BCL7B: variants seen among roughly 807,000 people sequenced by gnomAD.
BCL7B encodes B-cell CLL/lymphoma 7 protein family member B.
In BCL7B, 11 loss-of-function variants were observed where a neutral mutation model predicts 26.5. The observed-to-expected ratio is 0.42, with a 90% CI of 0.26 to 0.69. BCL7B has a LOEUF of 0.69. Ranked by LOEUF, BCL7B falls within the 30% of genes least tolerant of loss-of-function variation. The pLI is 0.28. For missense variants in BCL7B, 215 were observed against 264.4 expected, an observed-to-expected ratio of 0.81 and a Z score of 1.30; for synonymous variants, 111 against 107.9, an observed-to-expected ratio of 1.03 and a Z score of -0.18.
Position 73,557,665 on chromosome 7 carries a change from C to T in BCL7B, c.-87G>A. 1.3e-6 allele frequency: 1 copy of T among 788,708 alleles called. No individual in the cohort carries two copies. The highest frequency in any genetic ancestry group is 1.6e-6 in the Non-Finnish European group (1 of 623,758). 48.9% of individuals were successfully genotyped at this position (788,708 alleles called of 1,614,324 possible). ...TCACGCGCCGCCGCCCGCCCGCCGC[C>T]GCCGCAGCGTCACAGCGGCCGTCGC... On this transcript the variant is annotated 5_prime_UTR_variant, in exon 1 of 6. Transcript: ENST00000223368.
chr7:73,544,464 A>G (rs1031432398), intron 2 of BCL7B, among the ~76,000 whole-genome samples: 2 of 151,766 alleles, frequency 1.3e-5, no homozygotes, highest in Admixed American at 6.6e-5. Context: ...ATAAATAAAT[A>G]AAAATACAAA....
chr7:73,552,139 G>T (rs782785627), intron 2 of BCL7B, 28 bp downstream of exon 2: 6 of 1,539,454 alleles, frequency 3.9e-6, no homozygotes, highest in South Asian at 3.5e-5. Flanking sequence ...AAAGAAAATG[G>T]TATCTTTTGA....
rs56111929 is a variant in BCL7B at position 73,540,829 on chromosome 7, C to CAAAAAAAAAAAAA, written c.266-790_266-778dup. On this transcript the variant is annotated intron_variant, in intron 3 of 5. Coordinates refer to ENST00000223368, the MANE Select transcript of BCL7B (RefSeq NM_001707.4). ...TGAGCAACAGAGCGAGACTCTGTCT[C>CAAAAAAAAAAAAA]AAAAAAAAAAAAAAAAAAAAAAAAA... Among the ~76,000 whole-genome samples, 3 of 50,942 alleles carry CAAAAAAAAAAAAA rather than the reference C, an allele frequency of 5.9e-5. 1 individual carries two copies. Among genetic ancestry groups the CAAAAAAAAAAAAA allele is most frequent in the African/African-American group, 2.4e-4 (3 of 12,396 alleles). The allele number at this position is 50,942 out of a possible 152,430, so 33.4% of individuals were successfully genotyped here. A position where few individuals can be genotyped will look rare whatever the true frequency, so the allele number is the denominator to read the frequency against.
At position 73,537,976 on chromosome 7, in the gene BCL7B, A is replaced by T. The variant is rs568081781; in HGVS notation, c.474T>A (p.Pro158=). Reference sequence around the variant, plus strand: ...CTGGTTCTTCCTTGGTGAGGGTAGGAGGTTCATCAGCAACTTCCGAGGAGG... The same window carrying T: ...CTGGTTCTTCCTTGGTGAGGGTAGGTGGTTCATCAGCAACTTCCGAGGAGG... ...SLPSSEVADE[P]PTLTKEEPVP... The change falls in exon 5 of 6, where the codon CCT becomes CCA. Residue 158 remains proline (P), a synonymous_variant. Coordinates refer to ENST00000223368, the MANE Select transcript of BCL7B (RefSeq NM_001707.4). 43 of 1,606,228 alleles carry T rather than the reference A, an allele frequency of 2.7e-5. No individual in the cohort carries two copies. Among genetic ancestry groups the T allele is most frequent in the Admixed American group, 3.4e-5 (2 of 58,794 alleles).
chr7:73,545,453 T>C (rs574797052), intron 2 of BCL7B, among the ~76,000 whole-genome samples: 2 of 152,234 alleles, frequency 1.3e-5, no homozygotes, highest in South Asian at 4.1e-4. Context: ...GGCTCCAGGA[T>C]GGTCTCAATC....
In BCL7B at chr7:73,545,729, G is replaced by GT. The variant is rs575750447; in HGVS notation, c.169-2086dup. ...ATGGCTGCTCTCAGATAAAGGCAGAGTCCATACAGTTGGTGCTAGGAGGTT... is the reference window on the plus strand; with the variant it reads ...ATGGCTGCTCTCAGATAAAGGCAGAGTTCCATACAGTTGGTGCTAGGAGGTT... On this transcript the variant is annotated intron_variant, in intron 2 of 5. Coordinates refer to ENST00000223368, the MANE Select transcript of BCL7B (RefSeq NM_001707.4). Among the ~76,000 whole-genome samples, 42 of 152,314 alleles carry GT rather than the reference G, an allele frequency of 2.8e-4. No individual in the cohort carries two copies. In the East Asian group the frequency reaches 6.0e-3, roughly 22 times the overall value.
chr7:73,538,096 G>A, intron 4 of BCL7B, 83 bp from the exon 5 acceptor site: 1 of 828,380 alleles, frequency 1.2e-6, no homozygotes, highest in East Asian at 2.8e-5. Context: ...CTGTGTGGAG[G>A]TGGCTTGGTG....
At position 73,557,478 on chromosome 7, in the gene BCL7B, G is replaced by C; in HGVS notation, c.92+9C>G. 7.1e-7 allele frequency: 1 copy of C among 1,407,694 alleles called. No individual in the cohort carries two copies. Among genetic ancestry groups the C allele is most frequent in the African/African-American group, 1.5e-5 (1 of 66,750 alleles). The allele number at this position is 1,407,694 out of a possible 1,614,324, so 87.2% of individuals were successfully genotyped here. A position where few individuals can be genotyped will look rare whatever the true frequency, so the allele number is the denominator to read the frequency against. ...ACCCCCGCCAGCCCCCTAAGCTCCG[G>C]CCCCTCACCATTTCCGCACTTTCTC... On this transcript the variant is annotated intron_variant, in intron 1 of 5. Coordinates refer to ENST00000223368, the MANE Select transcript of BCL7B (RefSeq NM_001707.4).
rs138796659 is a variant in BCL7B, at chr7:73,543,600, A to G, written c.213T>C (p.Asn71=). 3 of 1,613,882 alleles carry G rather than the reference A, an allele frequency of 1.9e-6. No individual in the cohort carries two copies. Among genetic ancestry groups the G allele is most frequent in the Non-Finnish European group, 2.5e-6 (3 of 1,179,972 alleles). The part of the protein sequence containing the change: ...KSNSSAAREP[N]GFPSDASANS... ...TGGCTGAGGCATCAGAAGGAAAGCC[A>G]TTAGGTTCTCGGGCTGCTGAACTGT... Residue 71 remains asparagine, a synonymous_variant, in exon 3 of 6, where the codon AAT becomes AAC. Transcript: ENST00000223368.
intron 1 of BCL7B, among the ~76,000 whole-genome samples, chr7:73,555,701 A>C (rs1318551176): frequency 2.6e-5 from 4 of 152,118 alleles, no homozygotes; most frequent in Non-Finnish European, 4.4e-5. Flanking sequence ...TAAAAGCAAG[A>C]AGGGAACCAC....
chr7:73,536,708 C>G lies in BCL7B; in HGVS notation c.*590G>C, dbSNP rs34329931. Reference sequence around the variant, plus strand: ...GGCGGCCACAAAGGGCTGTCAGCAGCTAGGGTGCCCGTGAGAGGTAGGACC... The same window carrying G: ...GGCGGCCACAAAGGGCTGTCAGCAGGTAGGGTGCCCGTGAGAGGTAGGACC... On this transcript the variant is annotated 3_prime_UTR_variant, in exon 6 of 6. Transcript: ENST00000223368. 3 of 152,752 alleles carry G rather than the reference C, an allele frequency of 2.0e-5. No homozygotes were observed. Among genetic ancestry groups the G allele is most frequent in the Non-Finnish European group, 4.4e-5 (3 of 68,446 alleles). The allele number at this position is 152,752 out of a possible 1,614,324, so 9.5% of individuals were successfully genotyped here.
intron 1 of BCL7B, among the ~76,000 whole-genome samples, chr7:73,552,615 C>CA (rs1175100502): frequency 3.4e-4 from 49 of 145,012 alleles, no homozygotes; most frequent in Admixed American, 5.5e-4. Flanking sequence ...TCTGTCGCTA[C>CA]AAAAAAAAAA....
intron 5 of BCL7B, 122 bp from the exon 6 acceptor site, chr7:73,537,512 C>T: frequency 1.4e-6 from 1 of 705,226 alleles, no homozygotes; most frequent in Non-Finnish European, 2.5e-6. Context: ...ACATCCTCCC[C>T]TGCCTACAAC....
At chr7:73,552,139 G>C in intron 2 of BCL7B, 28 bp downstream of exon 2, 1 of 1,539,456 alleles carries the variant, frequency 6.5e-7, no homozygotes, top group Non-Finnish European at 8.9e-7. Flanking sequence ...AAAGAAAATG[G>C]TATCTTTTGA....
intron 2 of BCL7B, 46 bp from the exon 3 acceptor site, chr7:73,543,690 C>T (rs782064881): frequency 2.1e-5 from 32 of 1,509,990 alleles, no homozygotes; most frequent in Non-Finnish European, 2.5e-5. Flanking sequence ...AAGCAGGAGA[C>T]TCACAGAGAG....
At chr7:73,547,333 C>T (rs561792680) in intron 2 of BCL7B, among the ~76,000 whole-genome samples, 10 of 152,122 alleles carry the variant, frequency 6.6e-5, no homozygotes, top group Admixed American at 4.6e-4. Context: ...CGTGGTGGCA[C>T]GTGCCTGTAG....
At chr7:73,552,301 A>G in intron 1 of BCL7B, 59 bp from the exon 2 acceptor site, 1 of 1,409,794 alleles carries the variant, frequency 7.1e-7, no homozygotes, top group Non-Finnish European at 1.0e-6. Flanking sequence ...TCTGTTCATC[A>G]CTTGTGTTTT....
intron 2 of BCL7B, among the ~76,000 whole-genome samples, chr7:73,547,946 C>T (rs1253910620): frequency 6.6e-6 from 1 of 151,744 alleles, no homozygotes; most frequent in African/African-American, 2.4e-5. Flanking sequence ...CATGAAACCC[C>T]GTCTCTACCA....
rs545795633 is a variant in BCL7B at position 73,554,447 on chromosome 7, C to A, written c.93-2205G>T. 6.6e-5 allele frequency among the ~76,000 whole-genome samples: 10 copies of A among 151,194 alleles called. No homozygotes were observed. The South Asian group carries it at 1.9e-3, about 28-fold the overall frequency. On this transcript the variant is annotated intron_variant, in intron 1 of 5. Coordinates refer to ENST00000223368, the MANE Select transcript of BCL7B (RefSeq NM_001707.4). Reference sequence around the variant, plus strand: ...AGAGTCAAGTCCAAATATGAAGTCACGAAAAAGCAAAAAAAAAGCAACTGC... The same window carrying A: ...AGAGTCAAGTCCAAATATGAAGTCAAGAAAAAGCAAAAAAAAAGCAACTGC...
Sources: allele counts gnomAD v4.1 joint callset (sites outside exome capture counted in the v4.1 genomes callset), GRCh38; gene constraint gnomAD v4.1.1; transcripts MANE v1.5; gene names NCBI Gene and HGNC (gene_info 2026-07-23, HGNC 2026-07-21).